SRL: variants seen among roughly 807,000 people sequenced by gnomAD.
The protein encoded by SRL is sarcalumenin.
Under a neutral mutation model 39.5 loss-of-function variants are expected in SRL, and 23 were observed. The ratio of observed to expected loss-of-function variants is 0.58; its 90% CI spans 0.42 to 0.82. The LOEUF (loss-of-function observed/expected upper bound fraction) is 0.82. Among genes scored for constraint, SRL ranks in the 40% least tolerant of loss-of-function variants. The pLI is 0.00. For synonymous variants in SRL, 272 were observed against 237.4 expected (o/e 1.15, Z -1.34); for missense variants, 592 against 607.8 (o/e 0.97, Z 0.27).
rs746762278 is a variant in SRL at position 4,192,632 on chromosome 16, G to T, written c.943C>A (p.Leu315Ile). ...ELFLQEEISLLEDLNQVIENR... is the reference protein window; with the variant it reads ...ELFLQEEISLIEDLNQVIENR... ...TCGATCACCTGATTCAGGTCTTCTA[G>T]GAGGGAGATCTCTTCTTGGAGGAAC... Residue 315 changes from leucine to isoleucine, a missense_variant, in exon 6 of 6, where the codon CTA becomes ATA. Transcript: ENST00000399609. The surrounding 1 kb of genome is among the most constrained non-coding windows in gnomAD (Gnocchi z 4.0). The T allele has an allele frequency of 1.2e-6, 2 of 1,613,996 alleles. No homozygotes were observed. Among genetic ancestry groups the T allele is most frequent in the African/African-American group, 2.7e-5 (2 of 74,910 alleles).
intron 1 of SRL, among the ~76,000 whole-genome samples, chr16:4,210,372 T>C (rs1268418060): frequency 6.6e-6 from 1 of 152,160 alleles, no homozygotes; most frequent in Non-Finnish European, 1.5e-5. Flanking sequence ...TATGTACATA[T>C]CTGAGATACA....
intron 1 of SRL, among the ~76,000 whole-genome samples, chr16:4,227,806 T>C (rs757177327): frequency 2.6e-5 from 4 of 152,156 alleles, no homozygotes; most frequent in African/African-American, 4.8e-5. Flanking sequence ...ACACCTTTCA[T>C]CATGTGACAG....
At chr16:4,226,399 TGGATGGATG>T (rs748229560) in intron 1 of SRL, among the ~76,000 whole-genome samples, 62 of 150,940 alleles carry the variant, frequency 4.1e-4, no homozygotes, top group Non-Finnish European at 7.4e-4. Context: ...AACAGATGAA[TGGATGGATG>T]GGATGGATGG....
intron 1 of SRL, among the ~76,000 whole-genome samples, chr16:4,211,040 C>T (rs899798188): frequency 1.3e-5 from 2 of 152,162 alleles, no homozygotes; most frequent in Non-Finnish European, 2.9e-5. Context: ...TCACAAACTG[C>T]CCCTCAGCCA....
At chr16:4,223,502 C>T (rs1266776433) in intron 1 of SRL, among the ~76,000 whole-genome samples, 5 of 151,922 alleles carry the variant, frequency 3.3e-5, no homozygotes, top group East Asian at 3.9e-4. Flanking sequence ...CTCAGCCTCC[C>T]GAGTAGTGGG....
At chr16:4,213,165 G>C (rs2141045642) in intron 1 of SRL, among the ~76,000 whole-genome samples, 1 of 152,124 alleles carries the variant, frequency 6.6e-6, no homozygotes, top group South Asian at 2.1e-4. Flanking sequence ...TGACTCATGG[G>C]GTGAGGAAAG....
chr16:4,231,939 T>A (rs1052944532), intron 1 of SRL, among the ~76,000 whole-genome samples: 2 of 152,214 alleles, frequency 1.3e-5, no homozygotes, highest in Admixed American at 6.5e-5. Flanking sequence ...ATGCTGGAAA[T>A]AGAGCAAGTA....
At position 4,203,217 on chromosome 16, in the gene SRL, G is replaced by A; in HGVS notation, c.208C>T (p.Pro70Ser). 2.5e-6 allele frequency: 4 copies of A among 1,614,216 alleles called. No individual in the cohort carries two copies. The highest frequency in any genetic ancestry group is 1.3e-5 in the African/African-American group (1 of 75,062). ...TTGTACTTGTAGGACTGCTCCAGAG[G>A]CTTGATGGATGAGTGGTAGATCTTC... ...LRKIYHSSIK[P>S]LEQSYKYNEL... Residue 70 changes from proline to serine, a missense_variant, in exon 3 of 6, where the codon CCT (proline) becomes TCT (serine). Coordinates refer to ENST00000399609, the MANE Select transcript of SRL (RefSeq NM_001098814.2).
intron 1 of SRL, chr16:4,208,220 A>G (rs542076948): frequency 1.1e-5 from 4 of 361,002 alleles, no homozygotes; most frequent in South Asian, 8.4e-5. Context: ...CCTGGTGTGC[A>G]GTGTTACGCC....
chr16:4,196,471 C>CTTTT (rs35980213), intron 4 of SRL, among the ~76,000 whole-genome samples: 3 of 123,720 alleles, frequency 2.4e-5, no homozygotes, highest in Admixed American at 8.8e-5. Context: ...ATTTTGCCTT[C>CTTTT]TTTTTTTTTT....
intron 1 of SRL, among the ~76,000 whole-genome samples, chr16:4,214,558 T>C (rs1291137208): frequency 2.6e-5 from 4 of 151,974 alleles, no homozygotes; most frequent in Admixed American, 2.6e-4. Flanking sequence ...TTGGCTCTCA[T>C]TGGCTGTATA....
At chr16:4,213,290 C>T (rs912901547) in intron 1 of SRL, among the ~76,000 whole-genome samples, 4 of 151,752 alleles carry the variant, frequency 2.6e-5, no homozygotes, top group Non-Finnish European at 4.4e-5. Context: ...CTCCTTTACT[C>T]TCCTCGCTTC....
At chr16:4,203,296 G>A (rs749872952) in intron 2 of SRL, 35 bp from the exon 3 acceptor site, 65 of 1,579,814 alleles carry the variant, frequency 4.1e-5, no homozygotes, top group South Asian at 1.9e-4. Flanking sequence ...AGAGCATCAC[G>A]CAGGTGCGAT....
chr16:4,194,630 C>T (rs2052111819), intron 5 of SRL, among the ~76,000 whole-genome samples: 1 of 152,120 alleles, frequency 6.6e-6, no homozygotes, highest in African/African-American at 2.4e-5. Flanking sequence ...CACACAGGGC[C>T]TCCCAAAGAC....
intron 1 of SRL, among the ~76,000 whole-genome samples, chr16:4,209,712 G>C (rs902467256): frequency 8.5e-5 from 13 of 152,156 alleles, no homozygotes; most frequent in South Asian, 4.2e-4. Context: ...TTTTATTATA[G>C]AGGAGCCCCG....
chr16:4,211,314 G>A (rs899872981), intron 1 of SRL, among the ~76,000 whole-genome samples: 4 of 129,104 alleles, frequency 3.1e-5, no homozygotes, highest in Admixed American at 7.5e-5. Context: ...TCCCACGTTG[G>A]GGGGGGTCTC....
At chr16:4,218,289 C>T (rs1467927728) in intron 1 of SRL, among the ~76,000 whole-genome samples, 2 of 152,146 alleles carry the variant, frequency 1.3e-5, no homozygotes, top group South Asian at 4.1e-4. Flanking sequence ...CTAAGGGCCA[C>T]GTCTTTCTGA....
chr16:4,212,059 C>T (rs917252268), intron 1 of SRL, among the ~76,000 whole-genome samples: 14 of 152,256 alleles, frequency 9.2e-5, no homozygotes, highest in Admixed American at 3.3e-4. Context: ...GGAGGTTCAC[C>T]GTGACCATGA....
intron 1 of SRL, among the ~76,000 whole-genome samples, chr16:4,240,103 G>A (rs532674944): frequency 8.5e-5 from 13 of 152,338 alleles, no homozygotes; most frequent in African/African-American, 3.1e-4. Flanking sequence ...AGGAGAAGCC[G>A]GAGGAGAAGC....
Sources: allele counts gnomAD v4.1 joint callset (sites outside exome capture counted in the v4.1 genomes callset), GRCh38; gene constraint gnomAD v4.1.1; non-coding constraint Gnocchi (gnomAD v3.1); transcripts MANE v1.5; gene names NCBI Gene and HGNC (gene_info 2026-07-23, HGNC 2026-07-21).